The following KHDRBS1 variants were observed in gnomAD, a reference collection of about 807,000 sequenced individuals.
The protein encoded by KHDRBS1 is KH domain-containing, RNA-binding, signal transduction-associated protein 1.
Under a neutral mutation model 48.4 loss-of-function variants are expected in KHDRBS1, and 7 were observed. That is an observed-to-expected ratio of 0.14 (90% CI 0.08 to 0.27). The LOEUF (loss-of-function observed/expected upper bound fraction) is 0.27, where lower values mean the gene tolerates loss of function less well. KHDRBS1 is among the 10% of genes least tolerant of loss of function. The pLI is 1.00. For missense variants in KHDRBS1, 458 were observed against 601.2 expected (o/e 0.76, Z 2.49); for synonymous variants, 241 against 235.8 (o/e 1.02, Z -0.20).
downstream of KHDRBS1, among the ~76,000 whole-genome samples, chr1:32,048,861 AATCT>A (rs1235620949): frequency 6.6e-6 from 1 of 151,906 alleles, no homozygotes; most frequent in African/African-American, 2.4e-5. Context: ...GTCTTCCACC[AATCT>A]ATTTATTCCC....
chr1:32,050,593 A>G (rs1180261040), intron 10 of KHDRBS1, among the ~76,000 whole-genome samples: 1 of 151,490 alleles, frequency 6.6e-6, no homozygotes, highest in Non-Finnish European at 1.5e-5. Flanking sequence ...GTTCACTGCA[A>G]CCTCCAGCTC....
downstream of KHDRBS1, among the ~76,000 whole-genome samples, chr1:32,045,779 A>T (rs184626065): frequency 2.1e-4 from 32 of 152,348 alleles, no homozygotes; most frequent in East Asian, 5.2e-3. Flanking sequence ...TAGTGGCTGC[A>T]GGGAACTGGG....
chr1:32,026,543 T>C (rs1369394452), intron 1 of KHDRBS1, among the ~76,000 whole-genome samples: 3 of 152,194 alleles, frequency 2.0e-5, no homozygotes, highest in African/African-American at 7.2e-5. Context: ...ATCCATGTTA[T>C]AGAAAGGTCT....
rs772261459 is a variant in KHDRBS1 at position 32,032,910 on chromosome 1, G to A, written c.625-278G>A. Among the ~76,000 whole-genome samples the A allele has an allele frequency of 1.2e-4, 18 of 152,194 alleles. No individual in the cohort carries two copies. The East Asian group carries it at 2.5e-3, about 21-fold the overall frequency. ...TCATCACATTGGTCAGACTGGTCTC[G>A]AACTCCTGACCTTGTGATCCTCCCG... On this transcript the variant is annotated intron_variant, in intron 3 of 8. Transcript: ENST00000327300.
At position 32,013,886 on chromosome 1, in the gene KHDRBS1, G is replaced by A. The variant is rs1035775809; in HGVS notation, c.-110G>A. The A allele has an allele frequency of 2.8e-6, 3 of 1,075,118 alleles. No homozygotes were observed. The highest frequency in any genetic ancestry group is 3.4e-4 in the Middle Eastern group (1 of 2,940). 66.6% of individuals were successfully genotyped at this position (1,075,118 alleles called of 1,614,324 possible). On this transcript the variant is annotated 5_prime_UTR_variant, in exon 1 of 9. Coordinates refer to ENST00000327300, the MANE Select transcript of KHDRBS1 (RefSeq NM_006559.3). The stretch of plus-strand genomic sequence containing the variant: ...GTGCTCTCTCTCGCTGGGTCGCTCG[G>A]GTCGGCTTCGGTCGCTACCGCTCCC...
At chr1:32,039,598 G>A (rs745759660) in intron 8 of KHDRBS1, 25 bp downstream of exon 8, 2 of 1,254,472 alleles carry the variant, frequency 1.6e-6, no homozygotes, top group East Asian at 2.3e-5. Flanking sequence ...CTGTGGTGGG[G>A]CAGAATGTAC....
chr1:32,034,185 T>G (rs1346825485), intron 4 of KHDRBS1, among the ~76,000 whole-genome samples: 2 of 152,168 alleles, frequency 1.3e-5, no homozygotes, highest in Non-Finnish European at 2.9e-5. Context: ...TAAGATACAG[T>G]CCTTGGTTTT....
chr1:32,041,424 C>T lies in KHDRBS1; in HGVS notation c.1235-1103C>T, dbSNP rs112828424. On this transcript the variant is annotated intron_variant, in intron 8 of 8. Coordinates refer to ENST00000327300, the MANE Select transcript of KHDRBS1 (RefSeq NM_006559.3). The stretch of plus-strand genomic sequence containing the variant: ...TAAGGTGTGGGAAGAATAAATTTAA[C>T]GCAATTTATTTTCATAAGAGGTCAC... Among the ~76,000 whole-genome samples the T allele has an allele frequency of 4.0e-3, 601 of 152,094 alleles. 6 individuals carry two copies. Among genetic ancestry groups the T allele is most frequent in the African/African-American group, 0.014 (564 of 41,478 alleles).
At chr1:32,026,729 C>CT (rs1372447796) in intron 1 of KHDRBS1, among the ~76,000 whole-genome samples, 1 of 152,172 alleles carries the variant, frequency 6.6e-6, no homozygotes, top group African/African-American at 2.4e-5. Context: ...GCTGAAAGGT[C>CT]TAACTCAATG....
chr1:32,035,653 A>G (rs1177650282), intron 4 of KHDRBS1, among the ~76,000 whole-genome samples: 3 of 152,214 alleles, frequency 2.0e-5, no homozygotes, highest in Admixed American at 6.5e-5. Flanking sequence ...ATGTCTGTCT[A>G]TCTGTGTCTT....
At chr1:32,038,226 G>A (rs752799816) in intron 6 of KHDRBS1, 190 bp downstream of exon 6, 41 of 812,756 alleles carry the variant, frequency 5.0e-5, no homozygotes, top group Non-Finnish European at 7.0e-5. Context: ...TTTACTATAC[G>A]CCTGTAGATT....
downstream of KHDRBS1, among the ~76,000 whole-genome samples, chr1:32,048,467 A>G (rs960080360): frequency 6.6e-6 from 1 of 152,190 alleles, no homozygotes; most frequent in African/African-American, 2.4e-5. Context: ...CTATGATCAC[A>G]ACACTGTACT....
At chr1:32,057,707 G>A (rs1639495779) in intron 10 of KHDRBS1, among the ~76,000 whole-genome samples, 1 of 151,594 alleles carries the variant, frequency 6.6e-6, no homozygotes, top group Non-Finnish European at 1.5e-5. Context: ...GCTGAGGCAG[G>A]AGAATGGCGT....
At chr1:32,052,429 A>T (rs983429507) in intron 10 of KHDRBS1, 9 of 150,148 alleles carry the variant, frequency 6.0e-5, no homozygotes, top group African/African-American at 2.2e-4. Flanking sequence ...ACGGTGTCTC[A>T]CTCTGTCGCC....
At chr1:32,016,910 T>C (rs749758706) in intron 1 of KHDRBS1, among the ~76,000 whole-genome samples, 2 of 152,178 alleles carry the variant, frequency 1.3e-5, no homozygotes, top group Non-Finnish European at 2.9e-5. Context: ...GGCCTCTTAT[T>C]AAATATTTCA....
chr1:32,015,021 T>G (rs1256651304), intron 1 of KHDRBS1, among the ~76,000 whole-genome samples: 1 of 152,180 alleles, frequency 6.6e-6, no homozygotes, highest in Non-Finnish European at 1.5e-5. Flanking sequence ...CTGAGCCATT[T>G]TACACCGTGT....
chr1:32,028,125 ATAAT>A (rs982902754), intron 1 of KHDRBS1, among the ~76,000 whole-genome samples: 3 of 152,220 alleles, frequency 2.0e-5, no homozygotes, highest in African/African-American at 7.2e-5. Flanking sequence ...TCAAAAAATA[ATAAT>A]TAATAAATAA....
chr1:32,033,402 A>G, intron 4 of KHDRBS1, 68 bp downstream of exon 4: 1 of 1,586,774 alleles, frequency 6.3e-7, no homozygotes, highest in Non-Finnish European at 8.6e-7. Context: ...TTGTGAAGGT[A>G]GGGGTTCTTA....
At chr1:32,049,883 G>A (rs764262307) in intron 10 of KHDRBS1, among the ~76,000 whole-genome samples, 9 of 151,746 alleles carry the variant, frequency 5.9e-5, no homozygotes, top group South Asian at 2.1e-4. Flanking sequence ...GGATGGTCTC[G>A]ATCTCCTGAC....
Sources: allele counts gnomAD v4.1 joint callset (sites outside exome capture counted in the v4.1 genomes callset), GRCh38; gene constraint gnomAD v4.1.1; transcripts MANE v1.5; gene names NCBI Gene and HGNC (gene_info 2026-07-23, HGNC 2026-07-21).